Variants in TENM1 observed in about 807,000 individuals in gnomAD.
The protein encoded by TENM1 is teneurin-1.
TENM1 carries 35 observed loss-of-function variants against 174.8 expected under a neutral mutation model. The observed-to-expected ratio is 0.20, with a 90% confidence interval of 0.15 to 0.27. The LOEUF is 0.27. TENM1 is among the 10% of genes least tolerant of loss of function. The pLI is 1.00. For missense variants in TENM1, 1,633 were observed against 2,130.1 expected, an observed-to-expected ratio of 0.77 and a Z score of 4.59; for synonymous variants, 781 against 798.7, an observed-to-expected ratio of 0.98 and a Z score of 0.37.
the TENM1 span, among the ~76,000 whole-genome samples, chrX:124,983,974 AT>A: frequency 8.9e-6 from 1 of 111,820 alleles, no homozygotes; most frequent in African/African-American, 3.3e-5. Context: ...AAAAGAAGGA[AT>A]TTCCAATAAT....
chrX:125,134,873 T>C, the TENM1 span, among the ~76,000 whole-genome samples: 1 of 111,685 alleles, frequency 9.0e-6, no homozygotes, highest in African/African-American at 3.3e-5. Flanking sequence ...TAGTACCTCA[T>C]GGTAGTGGAT....
the TENM1 span, among the ~76,000 whole-genome samples, chrX:125,193,391 G>C: frequency 8.9e-6 from 1 of 111,875 alleles, no homozygotes; most frequent in Non-Finnish European, 1.9e-5. Flanking sequence ...TATTGTATTA[G>C]ATTTTCTTTT....
the TENM1 span, among the ~76,000 whole-genome samples, chrX:125,169,445 G>A: frequency 1.2e-4 from 13 of 111,653 alleles, no homozygotes; most frequent in Non-Finnish European, 2.3e-4. Flanking sequence ...CACATGGCTG[G>A]TATAAATCAG....
chrX:124,452,032 T>G (rs1295032006), intron 23 of TENM1, among the ~76,000 whole-genome samples: 1 of 111,940 alleles, frequency 8.9e-6, no homozygotes, highest in African/African-American at 3.3e-5. Context: ...GGGATCTAAT[T>G]AAACTAAAGA....
In TENM1 at chrX:124,592,929, T is replaced by C. The variant is rs185783373; in HGVS notation, c.2078-27369A>G. 7.1e-4 allele frequency among the ~76,000 whole-genome samples: 79 copies of C among 111,327 alleles called. 1 individual carries two copies. The highest frequency in any genetic ancestry group is 2.5e-3 in the African/African-American group (77 of 30,603). The stretch of plus-strand genomic sequence containing the variant: ...AGACCTACAAGCCAGTAGATGGTGC[T>C]TGTAGGTAAGAGCTAGCTAGCTACA... On this transcript the variant is annotated intron_variant, in intron 11 of 31. Transcript: ENST00000422452.
chrX:124,631,672 G>A (rs1488691596), intron 11 of TENM1, among the ~76,000 whole-genome samples: 1 of 109,877 alleles, frequency 9.1e-6, no homozygotes, highest in Non-Finnish European at 1.9e-5. Context: ...GGCTGAGGCA[G>A]CCGGATCACA....
At chrX:124,486,004 T>C in intron 21 of TENM1, among the ~76,000 whole-genome samples, 1 of 112,060 alleles carries the variant, frequency 8.9e-6, no homozygotes, top group Middle Eastern at 4.6e-3. Context: ...TGTTATTTTC[T>C]TGATAGCCAG....
intron 3 of TENM1, among the ~76,000 whole-genome samples, chrX:124,861,868 T>C (rs1219232564): frequency 8.9e-6 from 1 of 112,067 alleles, no homozygotes; most frequent in Non-Finnish European, 1.9e-5. Flanking sequence ...TGTCTTAAAA[T>C]GAACTATGCT....
intron 3 of TENM1, among the ~76,000 whole-genome samples, chrX:124,849,435 C>G (rs758766883): frequency 9.8e-6 from 1 of 102,203 alleles, no homozygotes; most frequent in East Asian, 2.8e-4. Flanking sequence ...CTCTCTCTCT[C>G]TCTCTCTGTT....
At chrX:124,908,625 C>A (rs182510679) in intron 1 of TENM1, among the ~76,000 whole-genome samples, 1 of 110,846 alleles carries the variant, frequency 9.0e-6, no homozygotes, top group East Asian at 2.9e-4. Flanking sequence ...CATAGTGTTG[C>A]AATAAACATA....
chrX:124,455,450 T>C (rs187152355), intron 22 of TENM1, among the ~76,000 whole-genome samples: 2 of 111,856 alleles, frequency 1.8e-5, no homozygotes, highest in Non-Finnish European at 1.9e-5. Flanking sequence ...TGCTTAAAAT[T>C]TGGTGTGGTT....
At chrX:125,146,252 G>A in the TENM1 span, among the ~76,000 whole-genome samples, 1 of 110,862 alleles carries the variant, frequency 9.0e-6, no homozygotes, top group Non-Finnish European at 1.9e-5. Context: ...GGAAAAATTT[G>A]GTGAGGGCAA....
chrX:125,195,042 C>G, the TENM1 span, among the ~76,000 whole-genome samples: 27 of 111,861 alleles, frequency 2.4e-4, no homozygotes, highest in African/African-American at 8.1e-4. Flanking sequence ...ACCAGGTAAA[C>G]AGAGGCTTTG....
intron 3 of TENM1, among the ~76,000 whole-genome samples, chrX:124,817,012 AT>A (rs2055911600): frequency 9.1e-6 from 1 of 110,420 alleles, no homozygotes; most frequent in Non-Finnish European, 1.9e-5. Flanking sequence ...TACATTAGGT[AT>A]TTCTTCTAAT....
chrX:125,141,392 T>C, the TENM1 span, among the ~76,000 whole-genome samples: 2 of 111,846 alleles, frequency 1.8e-5, no homozygotes, highest in African/African-American at 6.5e-5. Context: ...AGAAAAACTA[T>C]GCACTCACAG....
intron 18 of TENM1, among the ~76,000 whole-genome samples, chrX:124,510,360 A>G (rs189651200): frequency 4.4e-5 from 5 of 112,547 alleles, no homozygotes; most frequent in Admixed American, 2.8e-4. Flanking sequence ...ATAACTTTTT[A>G]TTTGTTCAGA....
intron 11 of TENM1, among the ~76,000 whole-genome samples, chrX:124,619,846 G>A (rs778799878): frequency 1.8e-5 from 2 of 111,774 alleles, no homozygotes; most frequent in Admixed American, 1.9e-4. Context: ...ATAGTAAAAG[G>A]TATAATATTC....
intron 1 of TENM1, among the ~76,000 whole-genome samples, chrX:124,903,263 G>C (rs1175968420): frequency 9.0e-6 from 1 of 111,680 alleles, no homozygotes; most frequent in Non-Finnish European, 1.9e-5. Context: ...TTAAAAGCCT[G>C]AAGTAGAAAC....
At chrX:124,583,376 A>T (rs2049386918) in intron 11 of TENM1, among the ~76,000 whole-genome samples, 1 of 111,884 alleles carries the variant, frequency 8.9e-6, no homozygotes, top group Non-Finnish European at 1.9e-5. Context: ...TTCACGGTTC[A>T]TGAAAATCCA....
Sources: gnomAD v4.1 joint callset for allele counts (sites outside exome capture counted in the v4.1 genomes callset) on GRCh38, gnomAD v4.1.1 for gene constraint, MANE v1.5 for transcripts, NCBI Gene and HGNC (gene_info 2026-07-23, HGNC 2026-07-21) for gene names.